Variants in FGF14 observed in about 807,000 individuals in gnomAD.
The protein encoded by FGF14 is fibroblast growth factor homologous factor 4.
Under a neutral mutation model 25.5 loss-of-function variants are expected in FGF14, and 5 were observed. The observed-to-expected ratio is 0.20, with a 90% CI of 0.10 to 0.41. FGF14 has a LOEUF of 0.41. Ranked by LOEUF, FGF14 falls within the 10% of genes least tolerant of loss-of-function variation. FGF14 has a pLI of 1.00. For missense variants in FGF14, 222 were observed against 320.1 expected, an observed-to-expected ratio of 0.69 and a Z score of 2.34; for synonymous variants, 138 against 118.3, an observed-to-expected ratio of 1.17 and a Z score of -1.08.
In FGF14 at chr13:102,330,763, T is replaced by G. The variant is rs367763567; in HGVS notation, c.208+70708A>C. 6.4e-4 allele frequency among the ~76,000 whole-genome samples: 97 copies of G among 152,274 alleles called. 1 individual carries two copies. In the South Asian group the frequency reaches 0.019, roughly 30 times the overall value. ...ATCACTCCCTCCTCCCTTCATGGCCTCATTGTCCTCTAAAGCTTCCGTTAC... is the reference window on the plus strand; with the variant it reads ...ATCACTCCCTCCTCCCTTCATGGCCGCATTGTCCTCTAAAGCTTCCGTTAC... On this transcript the variant is annotated intron_variant, in intron 1 of 4. Transcript: ENST00000376131.
intron 3 of FGF14, among the ~76,000 whole-genome samples, chr13:101,858,117 G>A (rs1180332043): frequency 2.0e-5 from 3 of 151,584 alleles, no homozygotes; most frequent in Non-Finnish European, 4.4e-5. Flanking sequence ...GCTGCATTGA[G>A]GATACTGAGA....
intron 1 of FGF14, among the ~76,000 whole-genome samples, chr13:102,138,979 T>C (rs2046522964): frequency 6.6e-6 from 1 of 152,370 alleles, no homozygotes; most frequent in South Asian, 2.1e-4. Flanking sequence ...TTTATCACTA[T>C]GCACATTTTA....
chr13:101,934,270 T>C (rs2034958053), intron 1 of FGF14, among the ~76,000 whole-genome samples: 2 of 152,232 alleles, frequency 1.3e-5, no homozygotes, highest in South Asian at 2.1e-4. Context: ...ATTTTAGTAC[T>C]ACCTATCAGT....
rs75865484 is a variant in FGF14 at position 101,719,170 on chromosome 13, G to A, written c.*3661C>T. The A allele has an allele frequency of 1.9e-3, 293 of 152,214 alleles. 2 individuals carry two copies. The highest frequency in any genetic ancestry group is 6.6e-3 in the African/African-American group (273 of 41,546). 9.4% of individuals were successfully genotyped at this position (152,214 alleles called of 1,614,324 possible). On this transcript the variant is annotated 3_prime_UTR_variant, in exon 5 of 5. Coordinates refer to ENST00000376143, the MANE Select transcript of FGF14 (RefSeq NM_004115.4). ...GAGATAATTTTAAATGAAGTGATACGTGTCTAACTTACTTAAAGAATAAGT... is the reference window on the plus strand; with the variant it reads ...GAGATAATTTTAAATGAAGTGATACATGTCTAACTTACTTAAAGAATAAGT...
At chr13:102,367,249 T>C (rs1007510132) in intron 1 of FGF14, 1 of 152,196 alleles carries the variant, frequency 6.6e-6, no homozygotes, top group Non-Finnish European at 1.5e-5. Flanking sequence ...TGACCTGGGT[T>C]GACTCACCCA....
At chr13:102,039,912 A>G (rs2041650488) in intron 1 of FGF14, among the ~76,000 whole-genome samples, 1 of 151,972 alleles carries the variant, frequency 6.6e-6, no homozygotes, top group South Asian at 2.1e-4. Context: ...TTCGAGGCTC[A>G]TCACTCTGCA....
At chr13:102,322,091 A>G (rs1311617193) in intron 1 of FGF14, among the ~76,000 whole-genome samples, 1 of 152,196 alleles carries the variant, frequency 6.6e-6, no homozygotes, top group Non-Finnish European at 1.5e-5. Flanking sequence ...CATTCACTGT[A>G]ATGAAAAACT....
At chr13:102,170,504 A>T (rs907596689) in intron 1 of FGF14, among the ~76,000 whole-genome samples, 7 of 152,100 alleles carry the variant, frequency 4.6e-5, no homozygotes, top group African/African-American at 1.7e-4. Flanking sequence ...GCACAGCGTG[A>T]CATTTCTAAG....
intron 1 of FGF14, among the ~76,000 whole-genome samples, chr13:102,181,950 GA>G (rs2140756063): frequency 6.6e-6 from 1 of 152,276 alleles, no homozygotes; most frequent in East Asian, 1.9e-4. Flanking sequence ...CGGCCCTGCT[GA>G]AACCTTGATT....
At chr13:101,869,891 T>C (rs2044952689) in intron 2 of FGF14, among the ~76,000 whole-genome samples, 1 of 152,220 alleles carries the variant, frequency 6.6e-6, no homozygotes, top group South Asian at 2.1e-4. Flanking sequence ...TTGTGTTATA[T>C]TTAATTCTCA....
intron 1 of FGF14, among the ~76,000 whole-genome samples, chr13:102,106,574 G>T (rs375545277): frequency 0.052 from 4,010 of 77,488 alleles, 222 homozygotes; most frequent in African/African-American, 0.17. Flanking sequence ...AAACTCTGTC[G>T]AAAAAGAGGG....
Position 101,805,557 on chromosome 13 carries a change from C to G in FGF14, c.408+63168G>C, listed in dbSNP as rs574916910. The stretch of plus-strand genomic sequence containing the variant: ...ATGAAAGGCCATTAAGGGCACCAAA[C>G]ATGTAGTGGCGTTTTCCTACAGAGA... On this transcript the variant is annotated intron_variant, in intron 3 of 4. Coordinates refer to ENST00000376143, the MANE Select transcript of FGF14 (RefSeq NM_004115.4). Among the ~76,000 whole-genome samples the G allele has an allele frequency of 1.8e-4, 28 of 152,240 alleles. 1 individual carries two copies. The highest frequency in any genetic ancestry group is 6.5e-4 in the African/African-American group (27 of 41,550).
At chr13:102,193,794 G>A (rs2049224189) in intron 1 of FGF14, among the ~76,000 whole-genome samples, 1 of 152,160 alleles carries the variant, frequency 6.6e-6, no homozygotes, top group Non-Finnish European at 1.5e-5. Context: ...GGTTTCCAGA[G>A]TTGCTACATC....
intron 1 of FGF14, among the ~76,000 whole-genome samples, chr13:102,127,297 T>C (rs770044932): frequency 1.8e-4 from 28 of 152,210 alleles, no homozygotes; most frequent in Non-Finnish European, 3.5e-4. Flanking sequence ...TCACACCAAA[T>C]GTTTTACACA....
At chr13:101,825,801 T>G (rs2042368220) in intron 3 of FGF14, among the ~76,000 whole-genome samples, 1 of 152,172 alleles carries the variant, frequency 6.6e-6, no homozygotes, top group Non-Finnish European at 1.5e-5. Context: ...GTCATGCACT[T>G]AACTTGAGAC....
At chr13:102,022,810 C>T (rs764205522) in intron 1 of FGF14, among the ~76,000 whole-genome samples, 2 of 151,914 alleles carry the variant, frequency 1.3e-5, no homozygotes, top group South Asian at 2.1e-4. Flanking sequence ...CATTGTATTC[C>T]GTGTAAGTGC....
At chr13:102,176,743 A>C (rs2048466102) in intron 1 of FGF14, among the ~76,000 whole-genome samples, 1 of 152,168 alleles carries the variant, frequency 6.6e-6, no homozygotes, top group African/African-American at 2.4e-5. Context: ...AAGAAAAAAC[A>C]AAGAGGCACA....
At chr13:101,981,082 AACACACACACACACACAC>A (rs58666555) in intron 1 of FGF14, among the ~76,000 whole-genome samples, 18 of 123,782 alleles carry the variant, frequency 1.5e-4, no homozygotes, top group Non-Finnish European at 2.5e-4. Flanking sequence ...TCTCTACTAA[AACACACACACACACACAC>A]ACACACACAC....
chr13:102,330,715 C>T (rs1229327037), intron 1 of FGF14, among the ~76,000 whole-genome samples: 1 of 152,116 alleles, frequency 6.6e-6, no homozygotes, highest in African/African-American at 2.4e-5. Flanking sequence ...CTACTCAAAA[C>T]TGCAAGCTCC....
Sources: gnomAD v4.1 joint callset for allele counts (sites outside exome capture counted in the v4.1 genomes callset) on GRCh38, gnomAD v4.1.1 for gene constraint, MANE v1.5 for transcripts, NCBI Gene and HGNC (gene_info 2026-07-23, HGNC 2026-07-21) for gene names.